The following ARHGAP8 variants were observed in gnomAD, a reference collection of about 807,000 sequenced individuals.
ARHGAP8 encodes the protein Rho GTPase activating protein 8.
ARHGAP8 carries 62 observed loss-of-function variants against 46.1 expected under a neutral mutation model. The observed-to-expected ratio is 1.34, with a 90% CI of 1.10 to 1.66. The LOEUF (loss-of-function observed/expected upper bound fraction) is 1.66. Among genes scored for constraint, ARHGAP8 ranks in the 40% most tolerant of loss-of-function variants. The pLI is 0.00. For synonymous variants in ARHGAP8, 375 were observed against 243.1 expected, an observed-to-expected ratio of 1.54 and a Z score of -5.05; for missense variants, 923 against 568.4, an observed-to-expected ratio of 1.62 and a Z score of -6.34.
rs192264667 is a variant in ARHGAP8, at chr22:44,786,313, C to T, written c.-71-144C>T. On this transcript the variant is annotated intron_variant, in intron 1 of 11. Transcript: ENST00000356099. Reference sequence around the variant, plus strand: ...GTGGGTGCTCGGCTGAGGCAGGGCGCGTAGTGGGTGCACGGCTGAGGTAGG... The same window carrying T: ...GTGGGTGCTCGGCTGAGGCAGGGCGTGTAGTGGGTGCACGGCTGAGGTAGG... 6.7e-5 allele frequency: 66 copies of T among 984,114 alleles called. 1 individual carries two copies. Among genetic ancestry groups the T allele is most frequent in the Middle Eastern group, 7.1e-4 (2 of 2,820 alleles). The allele number at this position is 984,114 out of a possible 1,614,324, so 61.0% of individuals were successfully genotyped here. A position where few individuals can be genotyped will look rare whatever the true frequency, so the allele number is the denominator to read the frequency against.
intron 7 of ARHGAP8, among the ~76,000 whole-genome samples, chr22:44,836,301 A>G (rs539706116): frequency 6.6e-6 from 1 of 151,904 alleles, no homozygotes; most frequent in Non-Finnish European, 1.5e-5. Context: ...CCTGGGGCCA[A>G]CTAATGTTCC....
chr22:44,761,506 A>G (rs528231428), intron 1 of ARHGAP8, among the ~76,000 whole-genome samples: 13 of 152,366 alleles, frequency 8.5e-5, no homozygotes, highest in South Asian at 4.1e-4. Flanking sequence ...AAGGATATGC[A>G]TAAGTTATAT....
intron 1 of ARHGAP8, among the ~76,000 whole-genome samples, chr22:44,773,943 GCATACCAGTCA>G (rs1242615213): frequency 6.6e-6 from 1 of 152,178 alleles, no homozygotes; most frequent in African/African-American, 2.4e-5. Context: ...AACATTTACT[GCATACCAGTCA>G]CATACCAGGT....
intron 2 of ARHGAP8, among the ~76,000 whole-genome samples, chr22:44,793,876 G>T (rs1418460560): frequency 6.6e-6 from 1 of 152,208 alleles, no homozygotes; most frequent in African/African-American, 2.4e-5. Flanking sequence ...ACAGCGAAGG[G>T]TATTTACTCA....
At chr22:44,802,881 A>T (rs1928654355) in intron 3 of ARHGAP8, among the ~76,000 whole-genome samples, 1 of 152,076 alleles carries the variant, frequency 6.6e-6, no homozygotes, top group Non-Finnish European at 1.5e-5. Context: ...CCTCATCTGA[A>T]CTCATTGCAC....
chr22:44,789,527 G>T (rs1428531842), intron 2 of ARHGAP8, among the ~76,000 whole-genome samples: 1 of 152,004 alleles, frequency 6.6e-6, no homozygotes, highest in Non-Finnish European at 1.5e-5. Flanking sequence ...TTGAGACAAG[G>T]TCTCACTTTG....
chr22:44,802,225 T>A, intron 3 of ARHGAP8, 61 bp downstream of exon 3: 1 of 1,591,346 alleles, frequency 6.3e-7, no homozygotes, highest in South Asian at 1.1e-5. Flanking sequence ...TCCCCATCCC[T>A]TCACCCCACC....
chr22:44,823,388 G>T (rs1018860910), intron 6 of ARHGAP8, among the ~76,000 whole-genome samples: 1 of 152,112 alleles, frequency 6.6e-6, no homozygotes, highest in African/African-American at 2.4e-5. Context: ...AAGAGGCCAG[G>T]GAAGCACATT....
At chr22:44,859,671 G>C (rs114453650) in intron 10 of ARHGAP8, 60 bp from the exon 11 acceptor site, 11 of 1,582,498 alleles carry the variant, frequency 7.0e-6, no homozygotes, top group African/African-American at 2.7e-5. Flanking sequence ...CTCCCGGGCC[G>C]GGATGCAGCG....
intron 7 of ARHGAP8, among the ~76,000 whole-genome samples, chr22:44,842,351 C>T (rs1014830020): frequency 6.6e-6 from 1 of 151,868 alleles, no homozygotes; most frequent in Non-Finnish European, 1.5e-5. Flanking sequence ...AGCGAGACTC[C>T]ATCTCAAAAC....
At chr22:44,784,669 T>C (rs1221292704) in intron 1 of ARHGAP8, among the ~76,000 whole-genome samples, 1 of 152,100 alleles carries the variant, frequency 6.6e-6, no homozygotes, top group East Asian at 1.9e-4. Context: ...AACCCACTCA[T>C]CTCAGGATCC....
chr22:44,857,323 GCCAAGGGTA>G (rs1251240608), intron 10 of ARHGAP8, among the ~76,000 whole-genome samples: 1 of 152,166 alleles, frequency 6.6e-6, no homozygotes, highest in Non-Finnish European at 1.5e-5. Flanking sequence ...AGGTGTTCCA[GCCAAGGGTA>G]CCTCATCCCC....
chr22:44,848,152 A>G, intron 9 of ARHGAP8, 102 bp downstream of exon 9: 1 of 1,488,436 alleles, frequency 6.7e-7, no homozygotes, highest in Non-Finnish European at 9.1e-7. Context: ...CCCGCAACCC[A>G]CCCAACTCCC....
chr22:44,784,690 C>G (rs894753629), intron 1 of ARHGAP8, among the ~76,000 whole-genome samples: 2 of 152,192 alleles, frequency 1.3e-5, no homozygotes, highest in Admixed American at 6.5e-5. Context: ...TTAACTTAAT[C>G]CCCTCTGCAG....
At position 44,862,512 on chromosome 22, in the gene ARHGAP8, G is replaced by T. The variant is rs752627982; in HGVS notation, c.1219G>T (p.Ala407Ser). 15 of 1,612,732 alleles carry T rather than the reference G, an allele frequency of 9.3e-6. No homozygotes were observed. The highest frequency in any genetic ancestry group is 4.0e-5 in the African/African-American group (3 of 74,878). The change falls in exon 12 of 12, where the codon GCT becomes TCT. Residue 407 changes from alanine (A) to serine (S), a missense_variant. Coordinates refer to ENST00000356099, the MANE Select transcript of ARHGAP8 (RefSeq NM_181335.3). The part of the protein sequence containing the change: ...QGSRAAPLQE[A>S]VPRTQATGLT... The stretch of plus-strand genomic sequence containing the variant: ...GAGCAGGGCAGCCCCTTTGCAGGAG[G>T]CTGTGCCACGGACACAAGCCACGGG...
At chr22:44,772,104 A>G (rs1247679219) in intron 1 of ARHGAP8, among the ~76,000 whole-genome samples, 1 of 149,868 alleles carries the variant, frequency 6.7e-6, no homozygotes, top group Non-Finnish European at 1.5e-5. Flanking sequence ...AGTTTTTATT[A>G]TGAGTGAGTC....
intron 3 of ARHGAP8, among the ~76,000 whole-genome samples, chr22:44,806,905 A>C (rs1357946408): frequency 1.3e-5 from 2 of 150,198 alleles, no homozygotes; most frequent in African/African-American, 4.9e-5. Context: ...CGGAGCTTGC[A>C]GTGAGCCGAG....
intron 7 of ARHGAP8, among the ~76,000 whole-genome samples, chr22:44,838,823 C>G (rs1470288045): frequency 6.6e-6 from 1 of 152,240 alleles, no homozygotes; most frequent in Non-Finnish European, 1.5e-5. Context: ...CACCTGTGTG[C>G]AGCCTGGGAG....
chr22:44,843,952 A>G (rs1420207479), intron 7 of ARHGAP8, among the ~76,000 whole-genome samples: 1 of 152,178 alleles, frequency 6.6e-6, no homozygotes, highest in East Asian at 1.9e-4. Context: ...CTACAAATAA[A>G]AAGATACAGC....
Sources: allele counts gnomAD v4.1 joint callset (sites outside exome capture counted in the v4.1 genomes callset), GRCh38; gene constraint gnomAD v4.1.1; transcripts MANE v1.5; gene names NCBI Gene and HGNC (gene_info 2026-07-23, HGNC 2026-07-21).